Variants in PRKG2 observed in about 807,000 individuals in gnomAD.
The protein encoded by PRKG2 is protein kinase cGMP-dependent 2, also known as cGMP-dependent protein kinase 2.
A neutral mutation model predicts 97.2 loss-of-function variants in PRKG2; 33 were observed. That is an observed-to-expected ratio of 0.34 (90% CI 0.26 to 0.45). PRKG2 has a LOEUF of 0.45. Ranked by LOEUF, PRKG2 falls within the 20% of genes least tolerant of loss-of-function variation. PRKG2 has a pLI of 1.00. For missense variants in PRKG2, 638 were observed against 900.0 expected (o/e 0.71, Z 3.73); for synonymous variants, 330 against 321.8 (o/e 1.03, Z -0.27).
chr4:81,134,363 T>G (rs1746459538), intron 14 of PRKG2, among the ~76,000 whole-genome samples: 1 of 152,198 alleles, frequency 6.6e-6, no homozygotes. Flanking sequence ...ATAAAAATTC[T>G]GAAGTGAGAA....
At chr4:81,184,272 C>T (rs1751685482) in intron 2 of PRKG2, among the ~76,000 whole-genome samples, 1 of 152,172 alleles carries the variant, frequency 6.6e-6, no homozygotes, top group Non-Finnish European at 1.5e-5. Flanking sequence ...TCAGGTACCC[C>T]TCTGGGATGA....
intron 17 of PRKG2, among the ~76,000 whole-genome samples, chr4:81,101,339 G>A (rs191457979): frequency 6.6e-6 from 1 of 152,226 alleles, no homozygotes. Flanking sequence ...ATGATAGACT[G>A]GATTAAGAAA....
In PRKG2 at chr4:81,094,620, C is replaced by G. The variant is rs370928489; in HGVS notation, c.2127-2168G>C. ...AAGAGAATAAAGTGGTAGATGATGTCGGGAATAGGAACAGGTTGGGAAGGG... is the reference window on the plus strand; with the variant it reads ...AAGAGAATAAAGTGGTAGATGATGTGGGGAATAGGAACAGGTTGGGAAGGG... On this transcript the variant is annotated intron_variant, in intron 17 of 18. Transcript: ENST00000264399. Among the ~76,000 whole-genome samples the G allele has an allele frequency of 2.0e-5, 3 of 151,706 alleles. 1 individual carries two copies. The highest frequency in any genetic ancestry group is 2.0e-4 in the Admixed American group (3 of 15,186).
chr4:81,163,833 A>G (rs1186676273), intron 6 of PRKG2, among the ~76,000 whole-genome samples: 1 of 151,020 alleles, frequency 6.6e-6, no homozygotes, highest in African/African-American at 2.4e-5. Context: ...AAGTATTGGA[A>G]GTACTGATGA....
At chr4:81,104,876 A>T (rs1350536666) in intron 16 of PRKG2, among the ~76,000 whole-genome samples, 1 of 152,100 alleles carries the variant, frequency 6.6e-6, no homozygotes, top group Admixed American at 6.6e-5. Context: ...AATAGGAAAA[A>T]AACAGCAAAA....
At chr4:81,201,355 C>T (rs1397657271) in intron 2 of PRKG2, among the ~76,000 whole-genome samples, 1 of 152,244 alleles carries the variant, frequency 6.6e-6, no homozygotes, top group East Asian at 1.9e-4. Flanking sequence ...AGAATACTTC[C>T]ATCACTGAAG....
chr4:81,115,030 T>TC (rs1323902920), intron 14 of PRKG2, among the ~76,000 whole-genome samples: 5 of 152,216 alleles, frequency 3.3e-5, no homozygotes, highest in Admixed American at 3.3e-4. Context: ...TGAATTTTTG[T>TC]CCATTTTGCT....
chr4:81,095,935 G>T (rs1742066664), intron 17 of PRKG2, among the ~76,000 whole-genome samples: 1 of 152,142 alleles, frequency 6.6e-6, no homozygotes, highest in South Asian at 2.1e-4. Context: ...TGTATTAAGT[G>T]TACAACCGCA....
chr4:81,212,441 A>G (rs1471749372), intron 1 of PRKG2, among the ~76,000 whole-genome samples: 1 of 152,190 alleles, frequency 6.6e-6, no homozygotes, highest in African/African-American at 2.4e-5. Flanking sequence ...AGAAGATTAT[A>G]GCTGACAGAA....
At position 81,110,517 on chromosome 4, in the gene PRKG2, T is replaced by C. The variant is rs770931091; in HGVS notation, c.1871A>G (p.Asn624Ser). Residue 624 changes from asparagine (N) to serine (S), a missense_variant, in exon 15 of 19, where the codon AAC (asparagine) becomes AGC (serine). Coordinates refer to ENST00000264399, the MANE Select transcript of PRKG2 (RefSeq NM_006259.3). Reference protein sequence around the residue: ...PEYVAPEVILNKGHDFSVDFW... With the variant: ...PEYVAPEVILSKGHDFSVDFW... ...ATCCACACTGAAGTCATGTCCCTTG[T>C]TGAGAATGACTTCAGGAGCTACATA... 12 of 1,613,934 alleles carry C rather than the reference T, an allele frequency of 7.4e-6. No homozygotes were observed. The highest frequency in any genetic ancestry group is 1.0e-5 in the Non-Finnish European group (12 of 1,179,908).
chr4:81,210,033 A>G (rs1436185869), intron 1 of PRKG2, among the ~76,000 whole-genome samples: 1 of 152,158 alleles, frequency 6.6e-6, no homozygotes, highest in East Asian at 1.9e-4. Context: ...TTAATTTTTA[A>G]AAAAATAGAA....
intron 5 of PRKG2, 61 bp downstream of exon 5, chr4:81,169,602 C>A: frequency 8.4e-7 from 1 of 1,192,984 alleles, no homozygotes; most frequent in South Asian, 1.4e-5. Context: ...CTGATAAAAC[C>A]AATATATTCA....
chr4:81,153,724 G>C lies in PRKG2; in HGVS notation c.913-3C>G, dbSNP rs1473287178. 6.3e-7 allele frequency: 1 copy of C among 1,595,850 alleles called. No individual in the cohort carries two copies. The highest frequency in any genetic ancestry group is 1.3e-5 in the African/African-American group (1 of 74,474). ...TAATCTCCTTTGTCATAGTATTCCT[G>C]TTGGGATGAGAGAGAAAGAAAATGT... On this transcript the variant is annotated splice_region_variant and splice_polypyrimidine_tract_variant and intron_variant, in intron 6 of 18. Transcript: ENST00000264399.
In PRKG2 at chr4:81,110,583, C is replaced by A. The variant is rs1743800423; in HGVS notation, c.1805G>T (p.Gly602Val). 3 of 1,613,622 alleles carry A rather than the reference C, an allele frequency of 1.9e-6. No homozygotes were observed. Among genetic ancestry groups the A allele is most frequent in the Middle Eastern group, 1.7e-4 (1 of 6,060 alleles). ...GAATGTCCATGTTTTCTGTCCAGAC[C>A]CTATTTTCTTCGCAAATCCAAAGTC... ...LVDFGFAKKI[G>V]SGQKTWTFCG... Residue 602 changes from glycine to valine, a missense_variant, in exon 15 of 19, where the codon GGG becomes GTG. Physicochemically the swap from Gly to Val is moderately radical, Grantham distance 109. This residue lies in a region of PRKG2 where 304 missense variants were observed against 460.5 expected (regional missense o/e 0.66). Coordinates refer to ENST00000264399, the MANE Select transcript of PRKG2 (RefSeq NM_006259.3).
chr4:81,155,868 C>T (rs1006184058), intron 6 of PRKG2, among the ~76,000 whole-genome samples: 1 of 151,978 alleles, frequency 6.6e-6, no homozygotes, highest in Non-Finnish European at 1.5e-5. Context: ...CCTTTACAGA[C>T]AAGCAAATGC....
At chr4:81,099,514 G>C (rs1456067073) in intron 17 of PRKG2, among the ~76,000 whole-genome samples, 3 of 151,734 alleles carry the variant, frequency 2.0e-5, no homozygotes, top group Non-Finnish European at 4.4e-5. Flanking sequence ...ATTCAACAAC[G>C]CTTCATGCTA....
rs969923025 is a variant in PRKG2 at position 81,092,272 on chromosome 4, TA to T, written c.2193+113del. The T allele has an allele frequency of 5.3e-4, 295 of 557,238 alleles. 1 individual carries two copies. The highest frequency in any genetic ancestry group is 4.0e-3 in the East Asian group (118 of 29,488). The allele number at this position is 557,238 out of a possible 1,614,324, so 34.5% of individuals were successfully genotyped here. ...ACTTAAATTAAAATAAAAACTGCTT[TA>T]AAAAAAAACACCCAAAATCTGTTAT... On this transcript the variant is annotated intron_variant, in intron 18 of 18. Transcript: ENST00000264399.
At chr4:81,155,967 G>A (rs964663902) in intron 6 of PRKG2, among the ~76,000 whole-genome samples, 2 of 152,116 alleles carry the variant, frequency 1.3e-5, no homozygotes, top group African/African-American at 4.8e-5. Context: ...ACCAGCCACT[G>A]CAAAATCATG....
chr4:81,195,523 G>C (rs733241), intron 2 of PRKG2, among the ~76,000 whole-genome samples: 31,359 of 151,982 alleles, frequency 0.21, 3,636 homozygotes, highest in African/African-American at 0.28. Flanking sequence ...CTGGAACTCT[G>C]TACCTATTAT....
Sources: allele counts gnomAD v4.1 joint callset (sites outside exome capture counted in the v4.1 genomes callset), GRCh38; gene constraint gnomAD v4.1.1; regional missense constraint gnomAD v4.1.1; transcripts MANE v1.5; gene names NCBI Gene and HGNC (gene_info 2026-07-23, HGNC 2026-07-21).